Variants in FNDC3B observed in about 807,000 individuals in gnomAD.
The protein encoded by FNDC3B is fibronectin type III domain containing 3B.
A neutral mutation model predicts 151.5 loss-of-function variants in FNDC3B; 12 were observed. The observed-to-expected ratio is 0.08, with a 90% CI of 0.05 to 0.13. The LOEUF (loss-of-function observed/expected upper bound fraction) is 0.13. FNDC3B is among the 10% of genes least tolerant of loss of function. FNDC3B has a pLI of 1.00. For missense variants in FNDC3B, 1,214 were observed against 1,505.3 expected (o/e 0.81, Z 3.20); for synonymous variants, 528 against 549.0 (o/e 0.96, Z 0.54).
chr3:172,329,200 A>G, intron 12 of FNDC3B, 124 bp downstream of exon 12: 1 of 1,157,440 alleles, frequency 8.6e-7, no homozygotes, highest in Non-Finnish European at 1.2e-6. Flanking sequence ...GAGGTTTTCC[A>G]AGAGGGAATC....
intron 2 of FNDC3B, among the ~76,000 whole-genome samples, chr3:172,118,833 A>G (rs973582404): frequency 2.6e-5 from 4 of 152,314 alleles, no homozygotes; most frequent in African/African-American, 9.6e-5. Context: ...TCTGGAGTCA[A>G]GATACCGTCA....
chr3:172,261,007 C>T (rs1487973695), intron 6 of FNDC3B, among the ~76,000 whole-genome samples: 4 of 152,178 alleles, frequency 2.6e-5, no homozygotes, highest in Non-Finnish European at 5.9e-5. Flanking sequence ...TTTTCTCCCA[C>T]CCACATTCCT....
chr3:172,317,441 C>T (rs1163820423), intron 11 of FNDC3B, among the ~76,000 whole-genome samples: 1 of 152,174 alleles, frequency 6.6e-6, no homozygotes, highest in African/African-American at 2.4e-5. Flanking sequence ...GCCTCGGCCT[C>T]CCAAAGTGCT....
At chr3:172,368,520 A>T (rs1008199720) in intron 23 of FNDC3B, among the ~76,000 whole-genome samples, 2 of 152,190 alleles carry the variant, frequency 1.3e-5, no homozygotes, top group Admixed American at 6.5e-5. Context: ...TGACATTTTC[A>T]TATGACATCC....
chr3:172,064,855 A>G (rs1175202654), intron 1 of FNDC3B, among the ~76,000 whole-genome samples: 1 of 152,200 alleles, frequency 6.6e-6, no homozygotes, highest in Admixed American at 6.5e-5. Flanking sequence ...TAGGCTCTCC[A>G]TTTGGTGTGT....
At chr3:172,058,511 G>A in intron 1 of FNDC3B, among the ~76,000 whole-genome samples, 1 of 148,604 alleles carries the variant, frequency 6.7e-6, no homozygotes, top group Non-Finnish European at 1.5e-5. Flanking sequence ...TTTTATATAA[G>A]CCAAAAGATT....
intron 22 of FNDC3B, among the ~76,000 whole-genome samples, chr3:172,358,142 G>A (rs1464046794): frequency 6.6e-6 from 1 of 152,192 alleles, no homozygotes; most frequent in Non-Finnish European, 1.5e-5. Context: ...ACATGTGTCT[G>A]ACATGACCTA....
chr3:172,073,458 T>C (rs1016595725), intron 1 of FNDC3B, among the ~76,000 whole-genome samples: 2 of 152,226 alleles, frequency 1.3e-5, no homozygotes, highest in Non-Finnish European at 2.9e-5. Flanking sequence ...AGCTTCTGTC[T>C]GAAGTTAGGT....
intron 23 of FNDC3B, among the ~76,000 whole-genome samples, chr3:172,376,284 C>A (rs1015173181): frequency 3.3e-5 from 5 of 152,212 alleles, no homozygotes; most frequent in African/African-American, 1.2e-4. Context: ...CAGTAAATTT[C>A]TTTGTGACTG....
intron 25 of FNDC3B, among the ~76,000 whole-genome samples, chr3:172,381,439 A>T (rs1002984476): frequency 1.3e-5 from 2 of 151,636 alleles, no homozygotes; most frequent in African/African-American, 4.8e-5. Context: ...AGAGGGAAGT[A>T]GTCTCTTTTT....
At chr3:172,147,392 C>CT (rs892956456) in intron 3 of FNDC3B, among the ~76,000 whole-genome samples, 4 of 151,988 alleles carry the variant, frequency 2.6e-5, no homozygotes, top group Non-Finnish European at 5.9e-5. Flanking sequence ...GCTGTGAGCC[C>CT]TGTTTTCGCA....
At chr3:172,237,598 TAA>T (rs1727233055) in intron 4 of FNDC3B, 1 of 152,144 alleles carries the variant, frequency 6.6e-6, no homozygotes, top group Non-Finnish European at 1.5e-5. Context: ...CCCTATCTCT[TAA>T]AAAAGAAAAA....
At chr3:172,370,916 G>A (rs1044935069) in intron 23 of FNDC3B, among the ~76,000 whole-genome samples, 1 of 152,158 alleles carries the variant, frequency 6.6e-6, no homozygotes, top group Non-Finnish European at 1.5e-5. Context: ...ACCACAGTGG[G>A]ACATTTGTTA....
chr3:172,113,346 A>T (rs191184734), intron 2 of FNDC3B, among the ~76,000 whole-genome samples: 1 of 152,328 alleles, frequency 6.6e-6, no homozygotes, highest in East Asian at 1.9e-4. Context: ...AATACCCAAA[A>T]TATACTAATA....
chr3:172,384,593 T>C (rs1413376709), intron 25 of FNDC3B, among the ~76,000 whole-genome samples: 1 of 152,228 alleles, frequency 6.6e-6, no homozygotes, highest in African/African-American at 2.4e-5. Context: ...TAAAAATCTT[T>C]TATTTTACGT....
rs1197602796 is a variant in FNDC3B, at chr3:172,199,266, G to A, written c.188-27605G>A. 7.3e-5 allele frequency among the ~76,000 whole-genome samples: 11 copies of A among 150,880 alleles called. No individual in the cohort carries two copies. In the South Asian group the frequency reaches 1.7e-3, roughly 23 times the overall value. On this transcript the variant is annotated intron_variant, in intron 3 of 25. Coordinates refer to ENST00000415807, the MANE Select transcript of FNDC3B (RefSeq NM_022763.4). ...GCGATCTCGGCTCTCTGCAGGCTCC[G>A]CCTCCCGGGTTCACGCCATTCTCCT...
In FNDC3B at chr3:172,203,366, C is replaced by T. The variant is rs760083169; in HGVS notation, c.188-23505C>T. On this transcript the variant is annotated intron_variant, in intron 3 of 25. Transcript: ENST00000415807. ...CAGATAGCAAATTCATGCCCAAAGG[C>T]GGGAGAAAGCAAGACAGGACATCGG... Among the ~76,000 whole-genome samples, 4 of 152,258 alleles carry T rather than the reference C, an allele frequency of 2.6e-5. No homozygotes were observed. The East Asian group carries it at 5.8e-4, about 22-fold the overall frequency.
intron 7 of FNDC3B, among the ~76,000 whole-genome samples, chr3:172,290,383 T>G (rs939720976): frequency 3.3e-5 from 5 of 152,164 alleles, no homozygotes; most frequent in Admixed American, 6.5e-5. Context: ...AACAGTTAGG[T>G]GCTATGGGGA....
chr3:172,328,894 G>T, intron 11 of FNDC3B, 58 bp from the exon 12 acceptor site: 2 of 1,332,030 alleles, frequency 1.5e-6, no homozygotes, highest in Non-Finnish European at 2.0e-6. Context: ...ATTTATTTAG[G>T]GTTATCTGTT....
Sources: gnomAD v4.1 joint callset for allele counts (sites outside exome capture counted in the v4.1 genomes callset) on GRCh38, gnomAD v4.1.1 for gene constraint, MANE v1.5 for transcripts, NCBI Gene and HGNC (gene_info 2026-07-23, HGNC 2026-07-21) for gene names.